OSBPL8: variants seen among roughly 807,000 people sequenced by gnomAD.
The protein encoded by OSBPL8 is oxysterol-binding protein-related protein 8.
Under a neutral mutation model 125.5 loss-of-function variants are expected in OSBPL8, and 59 were observed. That is an observed-to-expected ratio of 0.47 (90% CI 0.38 to 0.58). OSBPL8 has a LOEUF of 0.58. Among genes scored for constraint, OSBPL8 ranks in the 20% least tolerant of loss-of-function variants. The pLI is 0.00. For missense variants in OSBPL8, 758 were observed against 1,047.8 expected (o/e 0.72, Z 3.82); for synonymous variants, 330 against 338.9 (o/e 0.97, Z 0.29).
At chr12:76,506,501 C>T (rs1592810777) in intron 1 of OSBPL8, among the ~76,000 whole-genome samples, 1 of 152,204 alleles carries the variant, frequency 6.6e-6, no homozygotes, top group Middle Eastern at 3.4e-3. Context: ...ATTAAAGAAT[C>T]AATATTTATA....
intron 17 of OSBPL8, among the ~76,000 whole-genome samples, chr12:76,374,480 A>C (rs2136212983): frequency 6.6e-6 from 1 of 152,240 alleles, no homozygotes; most frequent in South Asian, 2.1e-4. Flanking sequence ...AGGTCATGGA[A>C]AGGAAATGCA....
intron 2 of OSBPL8, among the ~76,000 whole-genome samples, chr12:76,464,359 CCA>C (rs1247922779): frequency 6.6e-5 from 10 of 152,262 alleles, no homozygotes; most frequent in Admixed American, 2.0e-4. Flanking sequence ...CAGACAATGT[CCA>C]CACAGTTATC....
At chr12:76,521,787 A>T (rs549536930) in intron 1 of OSBPL8, among the ~76,000 whole-genome samples, 50 of 152,298 alleles carry the variant, frequency 3.3e-4, no homozygotes, top group African/African-American at 1.1e-3. Flanking sequence ...TCGCCAGGGG[A>T]CAGGGGGAGG....
intron 1 of OSBPL8, among the ~76,000 whole-genome samples, chr12:76,510,438 A>G (rs929099110): frequency 2.0e-5 from 3 of 152,230 alleles, no homozygotes; most frequent in African/African-American, 7.2e-5. Context: ...AATCATTACT[A>G]TCAAAATTCT....
chr12:76,536,813 T>G (rs940414653), intron 1 of OSBPL8, among the ~76,000 whole-genome samples: 14 of 102,322 alleles, frequency 1.4e-4, no homozygotes, highest in Admixed American at 3.2e-4. Context: ...TATATAGGAG[T>G]ATCAAAAAAA....
At chr12:76,411,092 GATAC>G in intron 4 of OSBPL8, among the ~76,000 whole-genome samples, 1 of 152,236 alleles carries the variant, frequency 6.6e-6, no homozygotes, top group South Asian at 2.1e-4. Flanking sequence ...ATTAGATGAA[GATAC>G]ATACAAAGCA....
rs752536335 is a variant in OSBPL8 at position 76,378,482 on chromosome 12, C to T, written c.1699G>A (p.Val567Ile). Reference protein sequence around the residue: ...LTFLNRGEDYVMTMPYAHCKG... With the variant: ...LTFLNRGEDYIMTMPYAHCKG... ...CAATGAGCGTATGGCATTGTCATTA[C>T]ATAATCTTCACCTCTATTCAAGAAA... The change falls in exon 16 of 24, where the codon GTA becomes ATA. Residue 567 changes from valine to isoleucine, a missense_variant. This residue lies in a region of OSBPL8 where 572 missense variants were observed against 762.0 expected (regional missense o/e 0.75). Coordinates refer to ENST00000261183, the MANE Select transcript of OSBPL8 (RefSeq NM_020841.5). 6 of 1,601,400 alleles carry T rather than the reference C, an allele frequency of 3.7e-6. No homozygotes were observed. Among genetic ancestry groups the T allele is most frequent in the South Asian group, 3.3e-5 (3 of 90,326 alleles).
chr12:76,519,865 G>A (rs1881899130), intron 1 of OSBPL8, among the ~76,000 whole-genome samples: 1 of 152,154 alleles, frequency 6.6e-6, no homozygotes, highest in African/African-American at 2.4e-5. Context: ...CCATTCATGA[G>A]GAATCTGCCC....
intron 4 of OSBPL8, among the ~76,000 whole-genome samples, chr12:76,415,238 T>C (rs1250023326): frequency 6.6e-6 from 1 of 151,208 alleles, no homozygotes; most frequent in African/African-American, 2.4e-5. Flanking sequence ...GTTTTTCTTT[T>C]TTTTTTCTTT....
intron 6 of OSBPL8, among the ~76,000 whole-genome samples, chr12:76,400,792 CTTTT>C (rs879470526): frequency 7.3e-6 from 1 of 137,074 alleles, no homozygotes. Flanking sequence ...ATAATTTTAC[CTTTT>C]TTTTTTTTTT....
chr12:76,392,188 A>G (rs916230284), intron 10 of OSBPL8, among the ~76,000 whole-genome samples: 1 of 152,220 alleles, frequency 6.6e-6, no homozygotes, highest in Admixed American at 6.5e-5. Context: ...TACTCTATAG[A>G]AAGACAGATT....
At position 76,502,816 on chromosome 12, in the gene OSBPL8, T is replaced by C. The variant is rs543220396; in HGVS notation, c.-67-15198A>G. ...GAAGAAGGTAGTTATAAATACCTGC[T>C]ACAATTACGTGATCAGTTACAGAGA... On this transcript the variant is annotated intron_variant, in intron 1 of 23. Transcript: ENST00000261183. 2.0e-5 allele frequency among the ~76,000 whole-genome samples: 3 copies of C among 152,340 alleles called. No homozygotes were observed. In the South Asian group the frequency reaches 6.2e-4, roughly 32 times the overall value.
rs755037499 is a variant in OSBPL8, at chr12:76,487,564, T to C, written c.-13A>G. ...AACCTCCCTCCATAATGAAAGAAGA[T>C]AGGTTTATGCTTCTCTTTCCATTAA... On this transcript the variant is annotated 5_prime_UTR_variant, in exon 2 of 24. Coordinates refer to ENST00000261183, the MANE Select transcript of OSBPL8 (RefSeq NM_020841.5). The C allele has an allele frequency of 1.9e-6, 3 of 1,599,036 alleles. No individual in the cohort carries two copies. Among genetic ancestry groups the C allele is most frequent in the East Asian group, 2.3e-5 (1 of 44,168 alleles).
At chr12:76,385,949 T>C in intron 14 of OSBPL8, 3 of 574,382 alleles carry the variant, frequency 5.2e-6, no homozygotes, top group Non-Finnish European at 7.5e-6. Context: ...AAAATAAAGA[T>C]TTATTTTTGG....
At chr12:76,533,916 A>T (rs1950420420) in intron 1 of OSBPL8, among the ~76,000 whole-genome samples, 1 of 152,210 alleles carries the variant, frequency 6.6e-6, no homozygotes, top group African/African-American at 2.4e-5. Context: ...TCTATCTAGG[A>T]AAGCACACGA....
intron 5 of OSBPL8, among the ~76,000 whole-genome samples, chr12:76,407,126 T>C (rs1445120072): frequency 2.0e-5 from 3 of 152,222 alleles, no homozygotes; most frequent in Non-Finnish European, 4.4e-5. Flanking sequence ...TAAATCTTGT[T>C]TTCCAAAATT....
At chr12:76,381,175 A>G (rs1476958784) in intron 15 of OSBPL8, among the ~76,000 whole-genome samples, 1 of 152,118 alleles carries the variant, frequency 6.6e-6, no homozygotes, top group African/African-American at 2.4e-5. Flanking sequence ...GAATTTTTAC[A>G]TGTATAAGGA....
At chr12:76,549,814 A>G (rs548793498) in intron 1 of OSBPL8, among the ~76,000 whole-genome samples, 1 of 152,348 alleles carries the variant, frequency 6.6e-6, no homozygotes, top group South Asian at 2.1e-4. Context: ...TTGTGAGAAT[A>G]GAATGGAGAC....
chr12:76,531,096 C>T (rs1210934460), intron 1 of OSBPL8, among the ~76,000 whole-genome samples: 1 of 152,030 alleles, frequency 6.6e-6, no homozygotes, highest in Admixed American at 6.6e-5. Flanking sequence ...GCTGAGAAGG[C>T]CTCAGGAAAC....
Sources: allele counts gnomAD v4.1 joint callset (sites outside exome capture counted in the v4.1 genomes callset), GRCh38; gene constraint gnomAD v4.1.1; regional missense constraint gnomAD v4.1.1; transcripts MANE v1.5; gene names NCBI Gene and HGNC (gene_info 2026-07-23, HGNC 2026-07-21).